SCG3: variants seen among roughly 807,000 people sequenced by gnomAD.
The protein encoded by SCG3 is secretogranin III.
SCG3 carries 38 observed loss-of-function variants against 56.2 expected under a neutral mutation model. That is an observed-to-expected ratio of 0.68 (90% CI 0.52 to 0.89). SCG3 has a LOEUF of 0.89. SCG3 is among the 40% of genes least tolerant of loss of function. The probability of loss-of-function intolerance (pLI) is 0.00; values close to 1 mark genes in which losing one functional copy is unlikely to be tolerated. For synonymous variants in SCG3, 176 were observed against 184.2 expected (o/e 0.96, Z 0.36); for missense variants, 524 against 540.7 (o/e 0.97, Z 0.31).
Position 51,681,554 on chromosome 15 carries a change from C to G in SCG3, c.-202C>G. 1 of 584,674 alleles carries G rather than the reference C, an allele frequency of 1.7e-6. No individual in the cohort carries two copies. The allele number at this position is 584,674 out of a possible 1,614,324, so 36.2% of individuals were successfully genotyped here. A position where few individuals can be genotyped will look rare whatever the true frequency, so the allele number is the denominator to read the frequency against. On this transcript the variant is annotated 5_prime_UTR_variant, in exon 1 of 12. Transcript: ENST00000220478. ...GACAGCGCTCCCCTCTACCTGGAGA[C>G]TTGACTCCCGCGCGCCCCAACCCTG...
chr15:51,691,873 A>G (rs2055268916), intron 6 of SCG3, among the ~76,000 whole-genome samples: 2 of 150,992 alleles, frequency 1.3e-5, no homozygotes, highest in African/African-American at 5.0e-5. Flanking sequence ...TATGGAGGTA[A>G]ACATGGCCAG....
At chr15:51,701,687 G>T (rs1297781270) in intron 10 of SCG3, among the ~76,000 whole-genome samples, 1 of 152,146 alleles carries the variant, frequency 6.6e-6, no homozygotes, top group African/African-American at 2.4e-5. Flanking sequence ...AGTTTGGATT[G>T]CTTGAGCTGA....
At chr15:51,685,195 CT>C (rs1282179619) in intron 4 of SCG3, among the ~76,000 whole-genome samples, 1 of 152,156 alleles carries the variant, frequency 6.6e-6, no homozygotes, top group Non-Finnish European at 1.5e-5. Context: ...GGGAAATTTA[CT>C]TTTTAAAATC....
Position 51,713,380 on chromosome 15 carries a change from T to C in SCG3, c.1255T>C (p.Leu419=). The change falls in exon 11 of 12, where the codon TTG becomes CTG. Residue 419 remains leucine, a synonymous_variant. Coordinates refer to ENST00000220478, the MANE Select transcript of SCG3 (RefSeq NM_013243.4). ...AGCCATCAGAAAAAATATTGAATGGTTGAAGAAACATGACAAAAAGGGAAA... is the reference window on the plus strand; with the variant it reads ...AGCCATCAGAAAAAATATTGAATGGCTGAAGAAACATGACAAAAAGGGAAA... ...LEAIRKNIEW[L]KKHDKKGNKE... 2 of 1,606,222 alleles carry C rather than the reference T, an allele frequency of 1.2e-6. No homozygotes were observed. Among genetic ancestry groups the C allele is most frequent in the Non-Finnish European group, 1.7e-6 (2 of 1,177,194 alleles).
chr15:51,716,863 G>A (rs1434664215), intron 11 of SCG3, among the ~76,000 whole-genome samples: 1 of 152,212 alleles, frequency 6.6e-6, no homozygotes, highest in African/African-American at 2.4e-5. Flanking sequence ...GCATGTCCAG[G>A]CCTCTGGAAC....
At chr15:51,703,611 T>C (rs1567220680) in intron 10 of SCG3, among the ~76,000 whole-genome samples, 1 of 152,316 alleles carries the variant, frequency 6.6e-6, no homozygotes, top group East Asian at 1.9e-4. Context: ...TTCCCAAGAC[T>C]TGAAGTCAAT....
chr15:51,690,647 T>C (rs2055260977), intron 6 of SCG3, among the ~76,000 whole-genome samples: 1 of 59,820 alleles, frequency 1.7e-5, no homozygotes, highest in East Asian at 1.5e-3. Flanking sequence ...AAGTTCTAGA[T>C]TTATCAAAAA....
At chr15:51,715,051 G>T (rs1230894235) in intron 11 of SCG3, 3 of 152,196 alleles carry the variant, frequency 2.0e-5, no homozygotes, top group South Asian at 2.1e-4. Flanking sequence ...ATGATAAATT[G>T]TATGGTACAT....
intron 10 of SCG3, among the ~76,000 whole-genome samples, chr15:51,707,435 A>G (rs1484160627): frequency 6.6e-6 from 1 of 152,192 alleles, no homozygotes; most frequent in Non-Finnish European, 1.5e-5. Flanking sequence ...AATGAGTCCA[A>G]TATTCTCCCC....
chr15:51,715,455 T>TA (rs2094062405), intron 11 of SCG3, among the ~76,000 whole-genome samples: 1 of 152,176 alleles, frequency 6.6e-6, no homozygotes, highest in African/African-American at 2.4e-5. Context: ...TTGCCACCCT[T>TA]TGTTTGGTAA....
chr15:51,682,832 A>T (rs906902428), intron 2 of SCG3, among the ~76,000 whole-genome samples: 10 of 152,232 alleles, frequency 6.6e-5, no homozygotes, highest in African/African-American at 2.2e-4. Flanking sequence ...CTCTGTTGTA[A>T]GATTGCCTAA....
intron 8 of SCG3, among the ~76,000 whole-genome samples, chr15:51,696,592 A>G (rs2055304995): frequency 6.6e-6 from 1 of 152,178 alleles, no homozygotes; most frequent in South Asian, 2.1e-4. Flanking sequence ...AAGGAAAGAA[A>G]AGAGGTTTAA....
In SCG3 at chr15:51,719,658, CT is replaced by C; in HGVS notation, c.*136del. 1.6e-6 allele frequency: 1 copy of C among 607,614 alleles called. No individual in the cohort carries two copies. Among genetic ancestry groups the C allele is most frequent in the Non-Finnish European group, 2.9e-6 (1 of 349,300 alleles). The allele number at this position is 607,614 out of a possible 1,614,324, so 37.6% of individuals were successfully genotyped here. On this transcript the variant is annotated 3_prime_UTR_variant, in exon 12 of 12. Transcript: ENST00000220478. ...AAGTGCTGAATTTACAGTAGTTAACCTTTTACAAGTGGTTAAAACATAGCTT... is the reference window on the plus strand; with the variant it reads ...AAGTGCTGAATTTACAGTAGTTAACCTTTACAAGTGGTTAAAACATAGCTT...
At chr15:51,719,075 C>T (rs1374518133) in intron 11 of SCG3, among the ~76,000 whole-genome samples, 1 of 152,136 alleles carries the variant, frequency 6.6e-6, no homozygotes, top group Non-Finnish European at 1.5e-5. Context: ...ATGAATCTGC[C>T]ACTTCCCAAT....
intron 10 of SCG3, among the ~76,000 whole-genome samples, chr15:51,709,695 A>G (rs1280636673): frequency 1.3e-4 from 2 of 15,044 alleles, no homozygotes; most frequent in African/African-American, 4.9e-4. Context: ...ATATATATAT[A>G]TATATATTTT....
chr15:51,697,299 C>T (rs1164843240), intron 8 of SCG3, among the ~76,000 whole-genome samples: 1 of 152,120 alleles, frequency 6.6e-6, no homozygotes, highest in African/African-American at 2.4e-5. Context: ...TATCAACACC[C>T]TGTGAGTCAG....
intron 10 of SCG3, among the ~76,000 whole-genome samples, chr15:51,704,789 A>ATATATG: frequency 7.6e-6 from 1 of 132,314 alleles, no homozygotes; most frequent in South Asian, 2.3e-4. Context: ...ATATATATAT[A>ATATATG]TATATACATC....
chr15:51,694,588 T>G (rs1009205361), intron 7 of SCG3, among the ~76,000 whole-genome samples: 4 of 152,174 alleles, frequency 2.6e-5, no homozygotes, highest in Admixed American at 6.5e-5. Context: ...GGAAAATGGG[T>G]TCCCCCTCTA....
chr15:51,699,279 T>C (rs955995473), intron 8 of SCG3, 40 bp from the exon 9 acceptor site: 8 of 1,434,158 alleles, frequency 5.6e-6, no homozygotes, highest in Admixed American at 1.9e-5. Context: ...ATGTCATCTC[T>C]CAGGGAATAA....
Sources: gnomAD v4.1 joint callset for allele counts (sites outside exome capture counted in the v4.1 genomes callset) on GRCh38, gnomAD v4.1.1 for gene constraint, MANE v1.5 for transcripts, NCBI Gene and HGNC (gene_info 2026-07-23, HGNC 2026-07-21) for gene names.